Variants in FMN2 observed in about 807,000 individuals in gnomAD.
FMN2 encodes formin-2.
Under a neutral mutation model 142.3 loss-of-function variants are expected in FMN2, and 51 were observed. That is an observed-to-expected ratio of 0.36 (90% CI 0.29 to 0.45). The LOEUF (loss-of-function observed/expected upper bound fraction) is 0.45. FMN2 is among the 20% of genes least tolerant of loss of function. The pLI is 1.00. For synonymous variants in FMN2, 882 were observed against 869.8 expected (o/e 1.01, Z -0.25); for missense variants, 1,936 against 2,122.8 (o/e 0.91, Z 1.73).
At chr1:240,386,372 A>G (rs1433703312) in intron 14 of FMN2, among the ~76,000 whole-genome samples, 1 of 152,176 alleles carries the variant, frequency 6.6e-6, no homozygotes, top group Non-Finnish European at 1.5e-5. Flanking sequence ...AAAAAGGAAA[A>G]ATAGCAAAAA....
Position 240,142,581 on chromosome 1 carries a change from G to T in FMN2, c.1782+19236G>T, listed in dbSNP as rs529379906. 104 of 1,344,524 alleles carry T rather than the reference G, an allele frequency of 7.7e-5. 1 individual carries two copies. In the African/African-American group the frequency reaches 1.3e-3, roughly 16 times the overall value. The allele number at this position is 1,344,524 out of a possible 1,614,324, so 83.3% of individuals were successfully genotyped here. ...AAGAGCAGGAGGCAACAATTCCCCC[G>T]GAAGTCTGCAGCTGTGTCCACCCTT... On this transcript the variant is annotated intron_variant, in intron 2 of 17. Transcript: ENST00000319653.
In FMN2 at chr1:240,294,858, A is replaced by G; in HGVS notation, c.4190A>G (p.Glu1397Gly). The change falls in exon 8 of 18, where the codon GAG becomes GGG. Residue 1397 changes from glutamate to glycine, a missense_variant. Glu to Gly is a moderately conservative substitution (Grantham distance 98). Coordinates refer to ENST00000319653, the MANE Select transcript of FMN2 (RefSeq NM_020066.5). ...VNLDNSVVDLETLQALYENRA... is the reference protein window; with the variant it reads ...VNLDNSVVDLGTLQALYENRA... ...TTGGATAATTCTGTGGTTGACCTGG[A>G]GACCCTTCAAGCTCTCTATGAGAAT... 4 of 1,613,964 alleles carry G rather than the reference A, an allele frequency of 2.5e-6. No homozygotes were observed. The highest frequency in any genetic ancestry group is 3.4e-6 in the Non-Finnish European group (4 of 1,179,896).
At chr1:240,192,438 G>T (rs896172359) in intron 4 of FMN2, among the ~76,000 whole-genome samples, 1 of 152,178 alleles carries the variant, frequency 6.6e-6, no homozygotes, top group African/African-American at 2.4e-5. Context: ...AGTTTCTAAA[G>T]AAACATTGTT....
intron 11 of FMN2, among the ~76,000 whole-genome samples, chr1:240,332,200 C>T (rs1671400563): frequency 6.6e-6 from 1 of 151,726 alleles, no homozygotes; most frequent in African/African-American, 2.4e-5. Context: ...TTCAAATGCT[C>T]ATGTGTATGA....
chr1:240,200,811 C>T (rs928939649), intron 4 of FMN2, among the ~76,000 whole-genome samples: 2 of 152,058 alleles, frequency 1.3e-5, no homozygotes, highest in Non-Finnish European at 2.9e-5. Context: ...TTTCCATGTT[C>T]TCTTCTATCA....
chr1:240,151,598 C>T (rs181584710), intron 2 of FMN2, among the ~76,000 whole-genome samples: 140 of 152,144 alleles, frequency 9.2e-4, no homozygotes, highest in Non-Finnish European at 1.7e-3. Flanking sequence ...CAGTTTCGTA[C>T]AGTATTTCTT....
chr1:240,217,397 A>C (rs1379708493), intron 6 of FMN2, among the ~76,000 whole-genome samples: 1 of 152,216 alleles, frequency 6.6e-6, no homozygotes, highest in Non-Finnish European at 1.5e-5. Context: ...TGATTTGGAC[A>C]GTTATATTTG....
At chr1:240,421,846 T>C (rs575831357) in intron 15 of FMN2, among the ~76,000 whole-genome samples, 1 of 147,944 alleles carries the variant, frequency 6.8e-6, no homozygotes, top group East Asian at 2.0e-4. Flanking sequence ...TTTTCTTAGG[T>C]AGCAGTGTTG....
At chr1:240,100,092 A>T (rs2103173648) in intron 1 of FMN2, among the ~76,000 whole-genome samples, 1 of 152,358 alleles carries the variant, frequency 6.6e-6, no homozygotes, top group Admixed American at 6.5e-5. Context: ...GTTGAATTGA[A>T]GCTGGAAAAT....
chr1:240,288,635 G>A (rs1669673527), intron 7 of FMN2, among the ~76,000 whole-genome samples: 2 of 151,900 alleles, frequency 1.3e-5, no homozygotes, highest in African/African-American at 4.8e-5. Flanking sequence ...CTACACTCAC[G>A]ACTCACACTG....
At chr1:240,104,971 C>G (rs1175109195) in intron 1 of FMN2, among the ~76,000 whole-genome samples, 2 of 151,996 alleles carry the variant, frequency 1.3e-5, no homozygotes, top group African/African-American at 4.8e-5. Context: ...TATTTCCATA[C>G]AGGGAGCTAT....
chr1:240,355,741 C>A, intron 13 of FMN2, 75 bp from the exon 14 acceptor site: 3 of 989,400 alleles, frequency 3.0e-6, no homozygotes, highest in African/African-American at 1.6e-5. Context: ...CTAACATTAG[C>A]TAAGATGTTT....
intron 2 of FMN2, among the ~76,000 whole-genome samples, chr1:240,173,845 G>T (rs1025156706): frequency 2.0e-4 from 30 of 152,132 alleles, no homozygotes; most frequent in African/African-American, 7.2e-4. Flanking sequence ...TTTATATGAG[G>T]TTTTATAGAG....
chr1:240,455,416 C>T (rs1322091808), intron 16 of FMN2, among the ~76,000 whole-genome samples: 1 of 151,938 alleles, frequency 6.6e-6, no homozygotes, highest in African/African-American at 2.4e-5. Flanking sequence ...CCAGGAGGCA[C>T]ACTACAATTG....
At chr1:240,404,596 C>CG (rs1315511745) in intron 15 of FMN2, among the ~76,000 whole-genome samples, 1 of 152,210 alleles carries the variant, frequency 6.6e-6, no homozygotes, top group African/African-American at 2.4e-5. Flanking sequence ...TCTGGAGGCC[C>CG]AGCAGAGCAA....
intron 8 of FMN2, among the ~76,000 whole-genome samples, chr1:240,328,070 C>T (rs922245586): frequency 1.4e-5 from 2 of 144,978 alleles, no homozygotes; most frequent in Admixed American, 7.4e-5. Flanking sequence ...ATGGCTTGAA[C>T]CCGGGAGGCG....
intron 3 of FMN2, among the ~76,000 whole-genome samples, chr1:240,180,747 A>G (rs1665117216): frequency 6.6e-6 from 1 of 151,584 alleles, no homozygotes; most frequent in Admixed American, 6.6e-5. Context: ...TTGTATTTTT[A>G]GTAGAGACAG....
At chr1:240,243,276 G>C (rs941492977) in intron 6 of FMN2, among the ~76,000 whole-genome samples, 1 of 152,110 alleles carries the variant, frequency 6.6e-6, no homozygotes, top group Non-Finnish European at 1.5e-5. Context: ...TTCAGAAAAG[G>C]CTCATGGTTC....
chr1:240,159,705 C>A (rs1572001454), intron 2 of FMN2, among the ~76,000 whole-genome samples: 2 of 152,054 alleles, frequency 1.3e-5, no homozygotes, highest in East Asian at 3.9e-4. Flanking sequence ...TGTGGGGAGC[C>A]AGCCCTGACT....
Sources: allele counts gnomAD v4.1 joint callset (sites outside exome capture counted in the v4.1 genomes callset), GRCh38; gene constraint gnomAD v4.1.1; transcripts MANE v1.5; gene names NCBI Gene and HGNC (gene_info 2026-07-23, HGNC 2026-07-21).